The following SEMA6D variants were observed in gnomAD, a reference collection of about 807,000 sequenced individuals.
The protein encoded by SEMA6D is semaphorin-6D.
Under a neutral mutation model 106.6 loss-of-function variants are expected in SEMA6D, and 35 were observed. The observed-to-expected ratio is 0.33, with a 90% confidence interval of 0.25 to 0.44. SEMA6D has a LOEUF of 0.44. SEMA6D is among the 20% of genes least tolerant of loss of function. SEMA6D has a pLI of 1.00. For synonymous variants in SEMA6D, 499 were observed against 487.7 expected (o/e 1.02, Z -0.31); for missense variants, 1,185 against 1,345.9 (o/e 0.88, Z 1.87).
intron 4 of SEMA6D, among the ~76,000 whole-genome samples, chr15:47,622,967 A>C (rs1017093224): frequency 2.6e-5 from 4 of 151,620 alleles, no homozygotes. Flanking sequence ...GCATGGAATC[A>C]GTAGGAAGGA....
intron 4 of SEMA6D, among the ~76,000 whole-genome samples, chr15:47,623,396 A>G (rs1367637766): frequency 1.3e-5 from 2 of 152,212 alleles, no homozygotes; most frequent in Non-Finnish European, 2.9e-5. Flanking sequence ...AACCTCTTTT[A>G]TATAGGTAAA....
intron 1 of SEMA6D, among the ~76,000 whole-genome samples, chr15:47,736,250 G>A (rs1596875000): frequency 6.6e-6 from 1 of 152,164 alleles, no homozygotes; most frequent in East Asian, 1.9e-4. Context: ...TTGGCTAACT[G>A]TGTTTACATT....
At chr15:47,446,183 C>T (rs949263445) in intron 2 of SEMA6D, among the ~76,000 whole-genome samples, 5 of 152,126 alleles carry the variant, frequency 3.3e-5, no homozygotes, top group African/African-American at 7.2e-5. Flanking sequence ...ACCCCCACCC[C>T]CACTCCCACC....
At chr15:47,718,112 C>G (rs561645251) in intron 1 of SEMA6D, among the ~76,000 whole-genome samples, 1 of 152,334 alleles carries the variant, frequency 6.6e-6, no homozygotes, top group Non-Finnish European at 1.5e-5. Context: ...CGGCGTCCCC[C>G]GCACATAGCT....
intron 4 of SEMA6D, among the ~76,000 whole-genome samples, chr15:47,638,837 A>G (rs1214037327): frequency 6.6e-6 from 1 of 152,260 alleles, no homozygotes; most frequent in Non-Finnish European, 1.5e-5. Flanking sequence ...TTCTGCCAGC[A>G]GATGGATCAG....
At chr15:47,517,580 G>T (rs942595825) in intron 3 of SEMA6D, among the ~76,000 whole-genome samples, 2 of 152,044 alleles carry the variant, frequency 1.3e-5, no homozygotes, top group African/African-American at 4.8e-5. Context: ...TTTTGTTTTT[G>T]TTGGTCGTGT....
At chr15:47,671,990 G>A (rs1454394333) in intron 4 of SEMA6D, among the ~76,000 whole-genome samples, 1 of 152,106 alleles carries the variant, frequency 6.6e-6, no homozygotes, top group African/African-American at 2.4e-5. Flanking sequence ...ATTTTATATT[G>A]TGAGCATTGT....
At chr15:47,191,254 A>T (rs1196475603) in intron 1 of SEMA6D, among the ~76,000 whole-genome samples, 1 of 152,050 alleles carries the variant, frequency 6.6e-6, no homozygotes, top group Non-Finnish European at 1.5e-5. Context: ...GTTTATATTG[A>T]AATCATGAAA....
chr15:47,290,454 A>G lies in SEMA6D; in HGVS notation c.-239+106036A>G, dbSNP rs997332716. On this transcript the variant is annotated intron_variant, in intron 1 of 19. Transcript: ENST00000558014. ...GAATTGTTCAGTTCTGTGTAAGTAG[A>G]AGAATGACAGAGCTGAAAGAAACAG... Among the ~76,000 whole-genome samples, 5 of 152,190 alleles carry G rather than the reference A, an allele frequency of 3.3e-5. No homozygotes were observed. The East Asian group carries it at 9.6e-4, about 29-fold the overall frequency.
chr15:47,552,627 C>T (rs1241469746), intron 3 of SEMA6D, among the ~76,000 whole-genome samples: 2 of 145,848 alleles, frequency 1.4e-5, no homozygotes, highest in South Asian at 2.2e-4. Flanking sequence ...TTAGGTTTCT[C>T]GGGGAGCAGT....
intron 3 of SEMA6D, among the ~76,000 whole-genome samples, chr15:47,477,874 T>C (rs560770542): frequency 1.2e-4 from 16 of 128,032 alleles, no homozygotes; most frequent in African/African-American, 5.0e-4. Context: ...AGTCTCCTCA[T>C]AGTTCAGCTC....
At chr15:47,693,586 A>G (rs1209820107) in intron 4 of SEMA6D, among the ~76,000 whole-genome samples, 1 of 152,028 alleles carries the variant, frequency 6.6e-6, no homozygotes, top group Non-Finnish European at 1.5e-5. Context: ...TATTAGAATC[A>G]CCTGGAAAGT....
rs3743285 is a variant in SEMA6D at position 47,765,726 on chromosome 15, A to G, written c.1428-143A>G. On this transcript the variant is annotated intron_variant, in intron 13 of 18. Coordinates refer to ENST00000536845, the MANE Select transcript of SEMA6D (RefSeq NM_001358351.3). ...TGCAGAGAAGTAGAAGATGAATCACATAATTATTATTTCCCAAGCTATGTA... is the reference window on the plus strand; with the variant it reads ...TGCAGAGAAGTAGAAGATGAATCACGTAATTATTATTTCCCAAGCTATGTA... 2.5e-4 allele frequency: 187 copies of G among 746,942 alleles called. 1 individual carries two copies. In the East Asian group the frequency reaches 5.7e-3, roughly 23 times the overall value. The allele number at this position is 746,942 out of a possible 1,614,324, so 46.3% of individuals were successfully genotyped here.
At chr15:47,540,933 A>G (rs1317392967) in intron 3 of SEMA6D, among the ~76,000 whole-genome samples, 1 of 152,196 alleles carries the variant, frequency 6.6e-6, no homozygotes, top group Non-Finnish European at 1.5e-5. Flanking sequence ...CAAGAAACTC[A>G]TTAGTAATGG....
intron 3 of SEMA6D, among the ~76,000 whole-genome samples, chr15:47,582,182 A>G (rs2413878): frequency 0.99 from 151,378 of 152,248 alleles, 75,262 homozygotes; most frequent in Middle Eastern, 1. Flanking sequence ...AGCAACTGCC[A>G]GTGCCCAGAC....
intron 1 of SEMA6D, chr15:47,730,210 A>G (rs932269456): frequency 6.5e-7 from 1 of 1,544,124 alleles, no homozygotes; most frequent in Admixed American, 1.7e-5. Context: ...CCACAGACTT[A>G]GGATCCAGGA....
chr15:47,714,694 C>G (rs2079078538), upstream of SEMA6D, among the ~76,000 whole-genome samples: 1 of 152,180 alleles, frequency 6.6e-6, no homozygotes, highest in African/African-American at 2.4e-5. Flanking sequence ...CCATACCTTC[C>G]TTCTTTTACT....
chr15:47,410,288 G>A (rs983068978), intron 1 of SEMA6D, among the ~76,000 whole-genome samples: 4 of 152,104 alleles, frequency 2.6e-5, no homozygotes, highest in East Asian at 1.9e-4. Context: ...TGGCTAGAAC[G>A]TTTTTATATG....
intron 1 of SEMA6D, among the ~76,000 whole-genome samples, chr15:47,238,601 T>C (rs566066629): frequency 6.6e-6 from 1 of 152,258 alleles, no homozygotes; most frequent in South Asian, 2.1e-4. Flanking sequence ...GCACAGTATT[T>C]TGCCCATAGT....
Sources: gnomAD v4.1 joint callset for allele counts (sites outside exome capture counted in the v4.1 genomes callset) on GRCh38, gnomAD v4.1.1 for gene constraint, MANE v1.5 for transcripts, NCBI Gene and HGNC (gene_info 2026-07-23, HGNC 2026-07-21) for gene names.